The following PGRMC2 variants were observed in gnomAD, a reference collection of about 807,000 sequenced individuals.
PGRMC2 encodes the protein membrane-associated progesterone receptor component 2.
A neutral mutation model predicts 19.3 loss-of-function variants in PGRMC2; 9 were observed. The ratio of observed to expected loss-of-function variants is 0.47; its 90% CI spans 0.28 to 0.81. The LOEUF is 0.81. Among genes scored for constraint, PGRMC2 ranks in the 40% least tolerant of loss-of-function variants. The probability of loss-of-function intolerance (pLI) is 0.11; values close to 1 mark genes in which losing one functional copy is unlikely to be tolerated. For synonymous variants in PGRMC2, 157 were observed against 124.6 expected (o/e 1.26, Z -1.73); for missense variants, 289 against 297.3 (o/e 0.97, Z 0.21).
At chr4:128,283,376 CCT>C (rs1760937400) in intron 1 of PGRMC2, among the ~76,000 whole-genome samples, 1 of 152,182 alleles carries the variant, frequency 6.6e-6, no homozygotes, top group South Asian at 2.1e-4. Context: ...TCCTTCTCCT[CCT>C]CTGACCTTTA....
intron 1 of PGRMC2, among the ~76,000 whole-genome samples, chr4:128,274,292 G>A (rs916598812): frequency 1.3e-5 from 2 of 152,050 alleles, no homozygotes; most frequent in Non-Finnish European, 2.9e-5. Flanking sequence ...TGGCAGCAGT[G>A]TTGAGGTCAG....
intron 1 of PGRMC2, chr4:128,286,806 G>A (rs964744410): frequency 1.5e-5 from 6 of 396,778 alleles, no homozygotes; most frequent in South Asian, 1.3e-4. Flanking sequence ...GAGACTGGAG[G>A]GTTGGGACTT....
chr4:128,283,707 G>A (rs919882155), intron 1 of PGRMC2, among the ~76,000 whole-genome samples: 2 of 150,432 alleles, frequency 1.3e-5, no homozygotes, highest in South Asian at 2.1e-4. Flanking sequence ...ATCCAGGCTG[G>A]AGTGCAATGG....
At chr4:128,280,352 G>GAAAAAAAAAAAAAAAAAAAAAAAAA in intron 1 of PGRMC2, among the ~76,000 whole-genome samples, 1 of 60,540 alleles carries the variant, frequency 1.7e-5, no homozygotes, top group Non-Finnish European at 3.0e-5. Context: ...AAATTTTCTG[G>GAAAAAAAAAAAAAAAAAAAAAAAAA]GAAAAAAAAA....
chr4:128,269,246 G>C lies in PGRMC2; in HGVS notation c.*2070C>G, dbSNP rs1047423652. On this transcript the variant is annotated 3_prime_UTR_variant, in exon 3 of 3. Coordinates refer to ENST00000296425, the MANE Select transcript of PGRMC2 (RefSeq NM_006320.6). ...ATGAGAAACATTCAACTGAAGTTGA[G>C]GAATTATCTACAGAACACTGTTTAT... 1 of 152,008 alleles carries C rather than the reference G, an allele frequency of 6.6e-6. No homozygotes were observed. The highest frequency in any genetic ancestry group is 2.4e-5 in the African/African-American group (1 of 41,374). 9.4% of individuals were successfully genotyped at this position (152,008 alleles called of 1,614,324 possible).
chr4:128,285,910 T>C (rs757481976), intron 1 of PGRMC2, among the ~76,000 whole-genome samples: 18 of 152,142 alleles, frequency 1.2e-4, no homozygotes, highest in Non-Finnish European at 2.1e-4. Flanking sequence ...CTGTAAGCTA[T>C]GTATTTACTT....
intron 1 of PGRMC2, 35 bp downstream of exon 1, chr4:128,287,338 C>A: frequency 6.4e-7 from 1 of 1,567,086 alleles, no homozygotes; most frequent in Non-Finnish European, 8.7e-7. Flanking sequence ...GCTTCAGCTG[C>A]AGGGGGTCCT....
In PGRMC2 at chr4:128,269,867, A is replaced by AT. The variant is rs1760700376; in HGVS notation, c.*1448dup. On this transcript the variant is annotated 3_prime_UTR_variant, in exon 3 of 3. Transcript: ENST00000296425. ...CCACCTGGAGTGCTAATTGTCTAGT[A>AT]TAATCAGTTGGCATCAAAATAGAAA... is the stretch of plus-strand genomic sequence containing the variant. The AT allele has an allele frequency of 6.6e-6, 1 of 152,292 alleles. No homozygotes were observed. Among genetic ancestry groups the AT allele is most frequent in the Admixed American group, 6.5e-5 (1 of 15,284 alleles). The allele number at this position is 152,292 out of a possible 1,614,324, so 9.4% of individuals were successfully genotyped here.
intron 1 of PGRMC2, among the ~76,000 whole-genome samples, chr4:128,276,834 ACT>A (rs1760821812): frequency 6.6e-6 from 1 of 152,192 alleles, no homozygotes; most frequent in Admixed American, 6.5e-5. Flanking sequence ...CAAAGCAAAT[ACT>A]CTGAAATATA....
chr4:128,274,698 AT>A (rs1760782557), intron 1 of PGRMC2, among the ~76,000 whole-genome samples: 1 of 152,128 alleles, frequency 6.6e-6, no homozygotes, highest in African/African-American at 2.4e-5. Flanking sequence ...GATAAAAAAA[AT>A]CTATAAACAT....
At chr4:128,280,895 T>TATATA (rs1760900994) in intron 1 of PGRMC2, among the ~76,000 whole-genome samples, 2 of 152,186 alleles carry the variant, frequency 1.3e-5, no homozygotes, top group Non-Finnish European at 2.9e-5. Context: ...CCACTGCGCC[T>TATATA]GGCCCAATCT....
intron 1 of PGRMC2, among the ~76,000 whole-genome samples, chr4:128,277,157 A>AAAACAAACAAAC (rs56210271): frequency 5.9e-5 from 9 of 151,450 alleles, no homozygotes; most frequent in African/African-American, 1.7e-4. Flanking sequence ...ACTCCATCTC[A>AAAACAAACAAAC]AAACAAACAA....
At chr4:128,286,827 TA>T in intron 1 of PGRMC2, 1 of 371,358 alleles carries the variant, frequency 2.7e-6, no homozygotes, top group Admixed American at 4.8e-5. Flanking sequence ...TACATGCCCC[TA>T]AACGTGGCCT....
intron 1 of PGRMC2, among the ~76,000 whole-genome samples, chr4:128,278,744 T>TAGC (rs1286519902): frequency 6.6e-6 from 1 of 152,048 alleles, no homozygotes; most frequent in Non-Finnish European, 1.5e-5. Context: ...ATACATAACT[T>TAGC]AGCAGCTATA....
intron 1 of PGRMC2, among the ~76,000 whole-genome samples, chr4:128,277,966 T>C (rs1162225437): frequency 6.6e-6 from 1 of 152,206 alleles, no homozygotes. Flanking sequence ...AATAGTATGA[T>C]TCTATAAGTG....
rs1236510839 is a variant in PGRMC2 at position 128,270,221 on chromosome 4, ACATT to A, written c.*1091_*1094del. 6.5e-6 allele frequency: 1 copy of A among 152,694 alleles called. No individual in the cohort carries two copies. The highest frequency in any genetic ancestry group is 1.9e-4 in the East Asian group (1 of 5,194). 9.5% of individuals were successfully genotyped at this position (152,694 alleles called of 1,614,324 possible). On this transcript the variant is annotated 3_prime_UTR_variant, in exon 3 of 3. Transcript: ENST00000296425. ...GAAAGAGTCCCTTCCAAGGCCTCAC[ACATT>A]CAGACACATCCATACTGACACCCAC...
chr4:128,278,325 C>T (rs559193564), intron 1 of PGRMC2, among the ~76,000 whole-genome samples: 1 of 152,112 alleles, frequency 6.6e-6, no homozygotes, highest in Non-Finnish European at 1.5e-5. Context: ...AAACACAACC[C>T]CTTGGGAGGC....
At chr4:128,272,092 A>G (rs1256679753) in intron 2 of PGRMC2, among the ~76,000 whole-genome samples, 2 of 152,146 alleles carry the variant, frequency 1.3e-5, no homozygotes, top group African/African-American at 4.8e-5. Flanking sequence ...ATTTTTATTT[A>G]GCTATTTTTT....
chr4:128,269,332 GAATA>G lies in PGRMC2; in HGVS notation c.*1980_*1983del, dbSNP rs1264325405. On this transcript the variant is annotated 3_prime_UTR_variant, in exon 3 of 3. Coordinates refer to ENST00000296425, the MANE Select transcript of PGRMC2 (RefSeq NM_006320.6). ...ACAGACCGCATAATTTTTTCTGCAT[GAATA>G]TTTAGGGTTTCTCTATTCACAAGTA... 1 of 152,102 alleles carries G rather than the reference GAATA, an allele frequency of 6.6e-6. No individual in the cohort carries two copies. The highest frequency in any genetic ancestry group is 6.6e-5 in the Admixed American group (1 of 15,254). The allele number at this position is 152,102 out of a possible 1,614,324, so 9.4% of individuals were successfully genotyped here. A position where few individuals can be genotyped will look rare whatever the true frequency, so the allele number is the denominator to read the frequency against.
Sources: allele counts gnomAD v4.1 joint callset (sites outside exome capture counted in the v4.1 genomes callset), GRCh38; gene constraint gnomAD v4.1.1; transcripts MANE v1.5; gene names NCBI Gene and HGNC (gene_info 2026-07-23, HGNC 2026-07-21).